PDE1C: variants seen among roughly 807,000 people sequenced by gnomAD.
PDE1C encodes phosphodiesterase 1C.
PDE1C carries 62 observed loss-of-function variants against 93.1 expected under a neutral mutation model. The ratio of observed to expected loss-of-function variants is 0.67; its 90% CI spans 0.54 to 0.82. PDE1C has a LOEUF of 0.82. Ranked by LOEUF, PDE1C falls within the 40% of genes least tolerant of loss-of-function variation. The pLI, the probability that PDE1C is intolerant of heterozygous loss-of-function variation, is 0.00. For missense variants in PDE1C, 742 were observed against 884.6 expected (o/e 0.84, Z 2.04); for synonymous variants, 325 against 310.1 (o/e 1.05, Z -0.50).
intron 14 of PDE1C, among the ~76,000 whole-genome samples, chr7:31,822,712 A>T (rs758038879): frequency 3.3e-5 from 5 of 152,170 alleles, no homozygotes; most frequent in Non-Finnish European, 7.4e-5. Context: ...GCGGGTCTTT[A>T]CTTAGGTAAA....
chr7:31,707,235 A>T, the PDE1C span: 6 of 1,614,096 alleles, frequency 3.7e-6, no homozygotes, highest in African/African-American at 1.3e-5. Context: ...AGAGACCCAA[A>T]GCAATCGTGG....
intron 3 of PDE1C, among the ~76,000 whole-genome samples, chr7:32,128,604 T>C (rs1799720073): frequency 6.6e-6 from 1 of 151,694 alleles, no homozygotes; most frequent in African/African-American, 2.4e-5. Context: ...TTCTCAACCA[T>C]CAAGTTAGCA....
chr7:31,845,511 C>G (rs1484748224), intron 9 of PDE1C, among the ~76,000 whole-genome samples: 1 of 151,994 alleles, frequency 6.6e-6, no homozygotes, highest in East Asian at 1.9e-4. Context: ...GGAAACATCA[C>G]ACACTGGGGC....
chr7:32,194,319 G>A (rs943589596), intron 2 of PDE1C, among the ~76,000 whole-genome samples: 16 of 152,244 alleles, frequency 1.1e-4, no homozygotes, highest in African/African-American at 3.6e-4. Context: ...CATGGTCTGT[G>A]GTGATATCCC....
chr7:31,651,001 C>T, the PDE1C span: 1 of 842,650 alleles, frequency 1.2e-6, no homozygotes, highest in Non-Finnish European at 1.8e-6. Flanking sequence ...TTGGGCTCTT[C>T]CTATTCCCTC....
intron 17 of PDE1C, among the ~76,000 whole-genome samples, chr7:31,754,575 T>C (rs984689042): frequency 1.3e-5 from 2 of 152,160 alleles, no homozygotes; most frequent in Non-Finnish European, 2.9e-5. Flanking sequence ...AAATTAACTA[T>C]CAAGCTATGG....
chr7:32,155,490 C>T (rs141862025), intron 3 of PDE1C, among the ~76,000 whole-genome samples: 6 of 152,226 alleles, frequency 3.9e-5, no homozygotes, highest in Non-Finnish European at 8.8e-5. Context: ...AGAGAAACCA[C>T]CTCAAAGGTC....
chr7:32,207,331 T>C (rs1805653333), intron 2 of PDE1C, among the ~76,000 whole-genome samples: 1 of 151,198 alleles, frequency 6.6e-6, no homozygotes, highest in Non-Finnish European at 1.5e-5. Context: ...TTAGAGAATG[T>C]TGCAGTACTT....
At chr7:31,984,548 T>C (rs924955096) in intron 2 of PDE1C, among the ~76,000 whole-genome samples, 1 of 152,168 alleles carries the variant, frequency 6.6e-6, no homozygotes, top group Non-Finnish European at 1.5e-5. Flanking sequence ...CACTCTTTCA[T>C]GCTTGAAGGG....
At chr7:32,133,624 C>T (rs915036765) in intron 3 of PDE1C, among the ~76,000 whole-genome samples, 3 of 152,130 alleles carry the variant, frequency 2.0e-5, no homozygotes. Flanking sequence ...GAGTGACCAC[C>T]CACCACACGC....
intron 3 of PDE1C, among the ~76,000 whole-genome samples, chr7:32,091,844 T>C (rs555940697): frequency 5.9e-5 from 9 of 152,202 alleles, no homozygotes; most frequent in African/African-American, 1.9e-4. Flanking sequence ...GGGTTGAGAA[T>C]AGACCATGAT....
At chr7:31,726,641 C>T in the PDE1C span, among the ~76,000 whole-genome samples, 1 of 152,290 alleles carries the variant, frequency 6.6e-6, no homozygotes, top group East Asian at 1.9e-4. Flanking sequence ...ACAAAATAAC[C>T]AAAGAAAGTA....
chr7:31,616,838 TCAGATATCCAAACCTCTCTTAACAGATAC>T, the PDE1C span, among the ~76,000 whole-genome samples: 292 of 152,206 alleles, frequency 1.9e-3, no homozygotes, highest in African/African-American at 6.6e-3. Context: ...CAAACAATTA[TCAGATATCCAAACCTCTCTTAACAGATAC>T]CAGATACCCA....
intron 1 of PDE1C, among the ~76,000 whole-genome samples, chr7:32,239,780 T>C (rs549183768): frequency 6.6e-6 from 1 of 152,354 alleles, no homozygotes; most frequent in Admixed American, 6.5e-5. Context: ...ACTAGAACCA[T>C]TCACAAACAT....
Position 31,850,752 on chromosome 7 carries a change from A to T in PDE1C, c.751-11T>A, listed in dbSNP as rs1386308035. On this transcript the variant is annotated splice_polypyrimidine_tract_variant and intron_variant, in intron 7 of 17. Transcript: ENST00000396191. ...CTCCGTCAGCCAGTTCTGAAAGGAG[A>T]TTACAGAGCAATCAGATAATCTGTT... 1 of 1,566,948 alleles carries T rather than the reference A, an allele frequency of 6.4e-7. No individual in the cohort carries two copies. The highest frequency in any genetic ancestry group is 2.2e-5 in the East Asian group (1 of 44,598).
chr7:32,113,917 T>A (rs1798828767), intron 3 of PDE1C, among the ~76,000 whole-genome samples: 1 of 152,056 alleles, frequency 6.6e-6, no homozygotes, highest in Non-Finnish European at 1.5e-5. Flanking sequence ...GGAACACAGC[T>A]AACAAGGGAT....
At chr7:32,070,516 G>A, upstream of PDE1C, 1 of 1,515,918 alleles carries the variant, frequency 6.6e-7, no homozygotes, top group South Asian at 1.3e-5. Context: ...CACTTTCTCG[G>A]CGCGCTCCCC....
intron 1 of PDE1C, among the ~76,000 whole-genome samples, chr7:32,211,572 T>C (rs1359607541): frequency 7.1e-6 from 1 of 141,642 alleles, no homozygotes; most frequent in East Asian, 2.1e-4. Context: ...ACCAAAGTTA[T>C]CTTATAATAA....
chr7:32,364,147 G>C (rs936810190), intron 1 of PDE1C, among the ~76,000 whole-genome samples: 3 of 152,112 alleles, frequency 2.0e-5, no homozygotes, highest in South Asian at 2.1e-4. Context: ...GCATCTATTT[G>C]AGCAGGATTC....
Sources: allele counts gnomAD v4.1 joint callset (sites outside exome capture counted in the v4.1 genomes callset), GRCh38; gene constraint gnomAD v4.1.1; transcripts MANE v1.5; gene names NCBI Gene and HGNC (gene_info 2026-07-23, HGNC 2026-07-21).